LAMB4: variants seen among roughly 807,000 people sequenced by gnomAD.
The protein encoded by LAMB4 is laminin subunit beta 4.
A neutral mutation model predicts 199.2 loss-of-function variants in LAMB4; 196 were observed. That is an observed-to-expected ratio of 0.98 (90% confidence interval 0.88 to 1.11). The LOEUF is 1.11. Among genes scored for constraint, LAMB4 ranks in the 50% least tolerant of loss-of-function variants. The pLI, the probability that LAMB4 is intolerant of heterozygous loss-of-function variation, is 0.00. For missense variants in LAMB4, 2,080 were observed against 2,171.2 expected (o/e 0.96, Z 0.83); for synonymous variants, 744 against 770.6 (o/e 0.97, Z 0.57).
In LAMB4 at chr7:108,106,867, G is replaced by A. The variant is rs145860771; in HGVS notation, c.592-295C>T. ...CAGATGTGAGCCATCACACCTGACC[G>A]TGAAATGCACTCTTACAGAAGAGAC... On this transcript the variant is annotated intron_variant, in intron 6 of 33. Transcript: ENST00000388781. 7.8e-3 allele frequency among the ~76,000 whole-genome samples: 1,180 copies of A among 152,180 alleles called. 70 individuals are homozygous for A. The highest frequency in any genetic ancestry group is 0.072 in the Admixed American group (1,093 of 15,272).
Position 108,074,335 on chromosome 7 carries a change from C to T in LAMB4, c.2124+2609G>A, listed in dbSNP as rs559739481. Among the ~76,000 whole-genome samples the T allele has an allele frequency of 2.2e-4, 34 of 152,164 alleles. No homozygotes were observed. In the South Asian group the frequency reaches 3.3e-3, roughly 15 times the overall value. ...CCATAGTTATATGTAAGAGAATGAT[C>T]GACTGAAAACTAATTGAATGCAATA... On this transcript the variant is annotated intron_variant, in intron 17 of 33. Transcript: ENST00000388781.
Position 108,037,419 on chromosome 7 carries a change from G to C in LAMB4, c.4648C>G (p.Gln1550Glu). The C allele has an allele frequency of 6.2e-7, 1 of 1,614,052 alleles. No individual in the cohort carries two copies. The change falls in exon 30 of 34, where the codon CAA becomes GAA. Residue 1550 changes from glutamine (Q) to glutamate (E), a missense_variant. Gln to Glu is a conservative substitution (Grantham distance 29). Transcript: ENST00000388781. ...GCTTTGGCCTTCACCAAAAGCTTTT[G>C]GGCTCCATCTGCTTCTTCATTTAAC... ...NRLNEEADGA[Q>E]KLLVKAKAAE...
intron 14 of LAMB4, among the ~76,000 whole-genome samples, chr7:108,080,861 G>C (rs935142279): frequency 9.2e-5 from 14 of 151,692 alleles, no homozygotes; most frequent in African/African-American, 2.4e-5. Context: ...CGGTGGCTCA[G>C]GCCTGTAATC....
intron 17 of LAMB4, among the ~76,000 whole-genome samples, chr7:108,071,234 C>A (rs1221593459): frequency 1.3e-5 from 2 of 152,100 alleles, no homozygotes; most frequent in African/African-American, 4.8e-5. Flanking sequence ...TTAAAAAAAT[C>A]ATTTCCTTGT....
At chr7:108,047,073 CA>C (rs1426662339) in intron 28 of LAMB4, among the ~76,000 whole-genome samples, 2 of 151,964 alleles carry the variant, frequency 1.3e-5, no homozygotes, top group African/African-American at 4.8e-5. Context: ...GGCCTGTTTC[CA>C]AATTTTTAAT....
chr7:108,071,577 T>C (rs2036536687), intron 17 of LAMB4, among the ~76,000 whole-genome samples: 1 of 152,244 alleles, frequency 6.6e-6, no homozygotes. Flanking sequence ...CCACTATCTG[T>C]CAAGCTGCTC....
chr7:108,076,906 T>C, intron 17 of LAMB4, 38 bp downstream of exon 17: 4 of 1,608,880 alleles, frequency 2.5e-6, no homozygotes, highest in Non-Finnish European at 3.4e-6. Flanking sequence ...CGGTGCTTAG[T>C]AGCGAAGAAA....
chr7:108,031,883 T>C (rs933177045), intron 31 of LAMB4, among the ~76,000 whole-genome samples: 2 of 152,222 alleles, frequency 1.3e-5, no homozygotes, highest in Admixed American at 1.3e-4. Flanking sequence ...AGTGACCATA[T>C]TGATCATATC....
In LAMB4 at chr7:108,082,686, T is replaced by C. The variant is rs1049196702; in HGVS notation, c.1702-2900A>G. Among the ~76,000 whole-genome samples the C allele has an allele frequency of 3.9e-5, 6 of 152,198 alleles. No homozygotes were observed. The South Asian group carries it at 1.2e-3, about 32-fold the overall frequency. On this transcript the variant is annotated intron_variant, in intron 14 of 33. Coordinates refer to ENST00000388781, the MANE Select transcript of LAMB4 (RefSeq NM_007356.3). ...CTGCTTTGCAGTTGGCACTGGTTCT[T>C]TGACCTGTGGGGTAAGAGCTCTTGT... is the stretch of plus-strand genomic sequence containing the variant.
rs757892680 is a variant in LAMB4 at position 108,080,034 on chromosome 7, C to A, written c.1702-248G>T. On this transcript the variant is annotated intron_variant, in intron 14 of 33. Transcript: ENST00000388781. Reference sequence around the variant, plus strand: ...GATTTGAAAGCAGTGTTCCGGGAAGCGACTTTAATTTTAAGTACCCCCTGT... The same window carrying A: ...GATTTGAAAGCAGTGTTCCGGGAAGAGACTTTAATTTTAAGTACCCCCTGT... 2.0e-5 allele frequency among the ~76,000 whole-genome samples: 3 copies of A among 152,114 alleles called. No homozygotes were observed. The East Asian group carries it at 5.8e-4, about 29-fold the overall frequency.
chr7:108,071,352 C>G (rs566348960), intron 17 of LAMB4, among the ~76,000 whole-genome samples: 16 of 152,182 alleles, frequency 1.1e-4, no homozygotes, highest in Non-Finnish European at 2.4e-4. Flanking sequence ...TCAGCACCCC[C>G]CTAACTCCAC....
At chr7:108,109,385 G>T in intron 4 of LAMB4, 141 bp from the exon 5 acceptor site, 1 of 667,028 alleles carries the variant, frequency 1.5e-6, no homozygotes, top group Non-Finnish European at 2.6e-6. Context: ...GTCTGTTGGA[G>T]TGGTATCCCA....
the LAMB4 span, among the ~76,000 whole-genome samples, chr7:108,017,902 C>A: frequency 6.6e-6 from 1 of 152,218 alleles, no homozygotes. Context: ...TATTTATTAG[C>A]ATTTTACAGC....
chr7:108,012,580 G>A, the LAMB4 span, among the ~76,000 whole-genome samples: 28 of 152,168 alleles, frequency 1.8e-4, no homozygotes, highest in African/African-American at 6.3e-4. Flanking sequence ...AAAACTCACC[G>A]TTTATTCAGT....
At chr7:108,109,052 C>T in intron 5 of LAMB4, 119 bp downstream of exon 5, 1 of 724,304 alleles carries the variant, frequency 1.4e-6, no homozygotes, top group Non-Finnish European at 2.4e-6. Flanking sequence ...TGGCAAAGGT[C>T]AAGTCTGAAC....
At chr7:108,116,290 A>C in intron 2 of LAMB4, 129 bp from the exon 3 acceptor site, 1 of 890,536 alleles carries the variant, frequency 1.1e-6, no homozygotes, top group South Asian at 2.3e-5. Context: ...CAGACTTTTA[A>C]GTTTATTAAT....
In LAMB4 at chr7:108,118,069, A is replaced by G. The variant is rs184036483; in HGVS notation, c.35-1908T>C. On this transcript the variant is annotated intron_variant, in intron 2 of 33. Transcript: ENST00000388781. Reference sequence around the variant, plus strand: ...TTCAGCCTCATTTTACCCAGCTCCTATTCAAGATGGAGTTGTTCTGGTTCA... The same window carrying G: ...TTCAGCCTCATTTTACCCAGCTCCTGTTCAAGATGGAGTTGTTCTGGTTCA... Among the ~76,000 whole-genome samples the G allele has an allele frequency of 2.6e-5, 4 of 152,292 alleles. No individual in the cohort carries two copies. In the East Asian group the frequency reaches 7.7e-4, roughly 29 times the overall value.
chr7:108,021,637 A>G (rs534270964), downstream of LAMB4, among the ~76,000 whole-genome samples: 145 of 150,692 alleles, frequency 9.6e-4, 1 homozygote, highest in Middle Eastern at 3.4e-3. Context: ...TGAAGCCGGG[A>G]GGCTGAGGTT....
At chr7:108,123,771 T>C (rs569079857) in intron 1 of LAMB4, among the ~76,000 whole-genome samples, 1 of 152,360 alleles carries the variant, frequency 6.6e-6, no homozygotes, top group South Asian at 2.1e-4. Flanking sequence ...GATCAATACA[T>C]TCCAGGCATC....
Sources: gnomAD v4.1 joint callset for allele counts (sites outside exome capture counted in the v4.1 genomes callset) on GRCh38, gnomAD v4.1.1 for gene constraint, MANE v1.5 for transcripts, NCBI Gene and HGNC (gene_info 2026-07-23, HGNC 2026-07-21) for gene names.